The following SARNP variants were observed in gnomAD, a reference collection of about 807,000 sequenced individuals.
SARNP encodes the protein SAP domain-containing ribonucleoprotein.
A neutral mutation model predicts 38.1 loss-of-function variants in SARNP; 5 were observed. The ratio of observed to expected loss-of-function variants is 0.13; its 90% CI spans 0.07 to 0.28. The LOEUF (loss-of-function observed/expected upper bound fraction) is 0.28. Among genes scored for constraint, SARNP ranks in the 10% least tolerant of loss-of-function variants. The pLI, the probability that SARNP is intolerant of heterozygous loss-of-function variation, is 1.00. For missense variants in SARNP, 180 were observed against 243.9 expected (o/e 0.74, Z 1.75); for synonymous variants, 84 against 80.6 (o/e 1.04, Z -0.23).
chr12:55,797,640 C>T (rs987425036), intron 4 of SARNP, among the ~76,000 whole-genome samples: 2 of 152,194 alleles, frequency 1.3e-5, no homozygotes, highest in Non-Finnish European at 2.9e-5. Flanking sequence ...ATGCAGTGCA[C>T]ATCATGGCAG....
intron 7 of SARNP, among the ~76,000 whole-genome samples, chr12:55,790,957 C>G (rs986787146): frequency 6.6e-6 from 1 of 152,340 alleles, no homozygotes; most frequent in African/African-American, 2.4e-5. Flanking sequence ...CACCCATCAA[C>G]TGATGACTGG....
At chr12:55,762,341 C>T (rs909533861) in intron 9 of SARNP, among the ~76,000 whole-genome samples, 5 of 147,434 alleles carry the variant, frequency 3.4e-5, no homozygotes, top group Middle Eastern at 3.5e-3. Context: ...AGTCTTACTT[C>T]GTTACCCAGG....
chr12:55,755,044 G>GATTT (rs1235299763), downstream of SARNP: 4 of 152,166 alleles, frequency 2.6e-5, no homozygotes, highest in African/African-American at 9.7e-5. Context: ...CTTTGGAAGG[G>GATTT]AAAAACAAGA....
rs1878536151 is a variant in SARNP at position 55,757,269 on chromosome 12, GTTCTCTT to G, written c.*236_*242del. 1 of 369,078 alleles carries G rather than the reference GTTCTCTT, an allele frequency of 2.7e-6. No individual in the cohort carries two copies. Among genetic ancestry groups the G allele is most frequent in the East Asian group, 4.5e-5 (1 of 21,988 alleles). 22.9% of individuals were successfully genotyped at this position (369,078 alleles called of 1,614,324 possible). On this transcript the variant is annotated 3_prime_UTR_variant, in exon 11 of 11. Transcript: ENST00000336133. ...AAAGGAGCACCTAATAAAACACATT[GTTCTCTT>G]TTCTATTTTTTTTTATTAACAAGCA... is the stretch of plus-strand genomic sequence containing the variant.
rs1329919482 is a variant in SARNP at position 55,757,340 on chromosome 12, A to C, written c.*172T>G. The C allele has an allele frequency of 1.4e-5, 6 of 443,934 alleles. No individual in the cohort carries two copies. Among genetic ancestry groups the C allele is most frequent in the Non-Finnish European group, 2.4e-5 (6 of 249,836 alleles). The allele number at this position is 443,934 out of a possible 1,614,324, so 27.5% of individuals were successfully genotyped here. On this transcript the variant is annotated 3_prime_UTR_variant, in exon 11 of 11. Transcript: ENST00000336133. ...CAAAAACACAACAACCTTAAAGCTGAAACAGCAATAAGTCAAACTGCTGCC... is the reference window on the plus strand; with the variant it reads ...CAAAAACACAACAACCTTAAAGCTGCAACAGCAATAAGTCAAACTGCTGCC...
chr12:55,772,333 C>T lies in SARNP; in HGVS notation c.502-11693G>A, dbSNP rs566898683. Among the ~76,000 whole-genome samples, 5 of 152,278 alleles carry T rather than the reference C, an allele frequency of 3.3e-5. No homozygotes were observed. The South Asian group carries it at 1.0e-3, about 32-fold the overall frequency. The stretch of plus-strand genomic sequence containing the variant: ...TAGGGTGCTAGGAACTTTAAAGTTA[C>T]ACGACAATTAGAGAACACCAGGAAT... On this transcript the variant is annotated intron_variant, in intron 9 of 10. Coordinates refer to ENST00000336133, the MANE Select transcript of SARNP (RefSeq NM_033082.4).
chr12:55,800,796 C>T lies in SARNP; in HGVS notation c.183+58G>A, dbSNP rs1471408640. On this transcript the variant is annotated intron_variant, in intron 3 of 10. Transcript: ENST00000336133. ...AGTCCTCCAATGACTGATGTTAAAG[C>T]AATGTGGCCAAAGCAGTGGCACATT... 5 of 1,451,854 alleles carry T rather than the reference C, an allele frequency of 3.4e-6. No homozygotes were observed. The East Asian group carries it at 6.8e-5, about 20-fold the overall frequency. 89.9% of individuals were successfully genotyped at this position (1,451,854 alleles called of 1,614,324 possible).
chr12:55,810,864 G>A (rs888717985), intron 1 of SARNP, among the ~76,000 whole-genome samples: 4 of 151,450 alleles, frequency 2.6e-5, no homozygotes, highest in Non-Finnish European at 4.4e-5. Flanking sequence ...ATCACCTGAG[G>A]TCAGGAGTTC....
intron 1 of SARNP, among the ~76,000 whole-genome samples, chr12:55,812,104 C>A (rs1331342321): frequency 1.3e-5 from 2 of 152,208 alleles, no homozygotes; most frequent in African/African-American, 4.8e-5. Context: ...AAAGGCCCTG[C>A]AGCTTTGCCC....
At chr12:55,788,161 TA>T (rs1335192984) in intron 9 of SARNP, among the ~76,000 whole-genome samples, 1 of 152,238 alleles carries the variant, frequency 6.6e-6, no homozygotes, top group Non-Finnish European at 1.5e-5. Flanking sequence ...CCACCTGCTC[TA>T]GGCAAATAGA....
chr12:55,760,684 T>A, intron 9 of SARNP, 44 bp from the exon 10 acceptor site: 1 of 1,297,450 alleles, frequency 7.7e-7, no homozygotes. Context: ...CTAGCCTCCA[T>A]TCACCAAGTA....
At chr12:55,756,147 G>T (rs558731808), downstream of SARNP, 5 of 152,196 alleles carry the variant, frequency 3.3e-5, no homozygotes, top group Non-Finnish European at 5.9e-5. Context: ...AGAGCCTGAG[G>T]TAAAGAAAAG....
intron 1 of SARNP, among the ~76,000 whole-genome samples, chr12:55,811,379 TAG>T (rs1255732600): frequency 1.3e-5 from 2 of 152,086 alleles, no homozygotes; most frequent in African/African-American, 2.4e-5. Context: ...GCAACACGGG[TAG>T]ACTCTGTCTC....
At chr12:55,768,666 G>A (rs1436985493) in intron 9 of SARNP, among the ~76,000 whole-genome samples, 5 of 151,966 alleles carry the variant, frequency 3.3e-5, no homozygotes, top group African/African-American at 9.7e-5. Flanking sequence ...GACCTCAGGC[G>A]ATCCACCCGC....
intron 1 of SARNP, among the ~76,000 whole-genome samples, chr12:55,814,794 G>T (rs1880432488): frequency 6.6e-6 from 1 of 151,852 alleles, no homozygotes; most frequent in African/African-American, 2.4e-5. Flanking sequence ...GCTTGAACCT[G>T]GAAGGCGGAG....
rs1444876300 is a variant in SARNP, at chr12:55,789,160, G to A, written c.433-17C>T. 6.5e-7 allele frequency: 1 copy of A among 1,550,246 alleles called. No individual in the cohort carries two copies. ...CAAGTTAACCTATAAAAACATAGGG[G>A]AAAGAACATAGTTTTAAAAAATCAA... is the stretch of plus-strand genomic sequence containing the variant. On this transcript the variant is annotated splice_polypyrimidine_tract_variant and intron_variant, in intron 8 of 10. Coordinates refer to ENST00000336133, the MANE Select transcript of SARNP (RefSeq NM_033082.4).
At chr12:55,816,970 T>A (rs969437858) in intron 1 of SARNP, among the ~76,000 whole-genome samples, 1 of 151,792 alleles carries the variant, frequency 6.6e-6, no homozygotes, top group Non-Finnish European at 1.5e-5. Context: ...CAGGTGTGAG[T>A]TCTCTCTGGT....
downstream of SARNP, chr12:55,753,572 C>A (rs1447829085): frequency 6.6e-6 from 1 of 151,964 alleles, no homozygotes; most frequent in Non-Finnish European, 1.5e-5. Context: ...GAGTTCGAGA[C>A]CATGCTGGCC....
chr12:55,760,704 G>T, intron 9 of SARNP, 64 bp from the exon 10 acceptor site: 1 of 1,108,798 alleles, frequency 9.0e-7, no homozygotes, highest in Non-Finnish European at 1.4e-6. Flanking sequence ...AAATGGGAAT[G>T]AAATGATAAC....
Sources: allele counts gnomAD v4.1 joint callset (sites outside exome capture counted in the v4.1 genomes callset), GRCh38; gene constraint gnomAD v4.1.1; transcripts MANE v1.5; gene names NCBI Gene and HGNC (gene_info 2026-07-23, HGNC 2026-07-21).